Variants in PHF3 observed in about 807,000 individuals in gnomAD.
The protein encoded by PHF3 is PHD finger protein 3.
In PHF3, 41 loss-of-function variants were observed where a neutral mutation model predicts 178.4. That is an observed-to-expected ratio of 0.23 (90% CI 0.18 to 0.30). The LOEUF (loss-of-function observed/expected upper bound fraction) is 0.30. Ranked by LOEUF, PHF3 falls within the 10% of genes least tolerant of loss-of-function variation. The probability of loss-of-function intolerance (pLI) is 1.00; values close to 1 mark genes in which losing one functional copy is unlikely to be tolerated. For synonymous variants in PHF3, 842 were observed against 800.5 expected (o/e 1.05, Z -0.88); for missense variants, 2,346 against 2,398.1 (o/e 0.98, Z 0.45).
intron 3 of PHF3, 106 bp downstream of exon 3, chr6:63,680,267 A>T (rs1766373971): frequency 1.9e-6 from 2 of 1,036,976 alleles, no homozygotes; most frequent in Non-Finnish European, 2.7e-6. Flanking sequence ...TGTTTTGCTA[A>T]TCCATTCGTT....
chr6:63,694,034 G>T (rs1484071659), intron 5 of PHF3, among the ~76,000 whole-genome samples: 1 of 152,158 alleles, frequency 6.6e-6, no homozygotes, highest in Non-Finnish European at 1.5e-5. Flanking sequence ...CTGAGTATAT[G>T]TCTGACTATA....
chr6:63,638,410 A>G (rs1157223407), intron 1 of PHF3, among the ~76,000 whole-genome samples: 42 of 152,130 alleles, frequency 2.8e-4, no homozygotes, highest in Non-Finnish European at 4.4e-5. Context: ...CTTCCTTAAC[A>G]TGGTGGGATG....
intron 9 of PHF3, 190 bp from the exon 10 acceptor site, chr6:63,702,318 C>G: frequency 3.0e-6 from 1 of 332,820 alleles, no homozygotes. Flanking sequence ...ATTCTTATAA[C>G]CGCAGTACTT....
chr6:63,673,992 T>C (rs1465519712), intron 2 of PHF3, among the ~76,000 whole-genome samples: 3 of 152,180 alleles, frequency 2.0e-5, no homozygotes, highest in Admixed American at 6.5e-5. Flanking sequence ...CTGCCATTCC[T>C]GGGCAGCCGA....
rs1765160281 is a variant in PHF3, at chr6:63,654,750, G to A, written c.244+7955G>A. On this transcript the variant is annotated intron_variant, in intron 2 of 15. Transcript: ENST00000262043. ...GGCAGAGTTTAAGTGGCTAAAAGGG[G>A]GAACTTGTGGTTCTCCAAAATGGAA... 3.3e-5 allele frequency among the ~76,000 whole-genome samples: 5 copies of A among 152,226 alleles called. No individual in the cohort carries two copies. The South Asian group carries it at 8.3e-4, about 25-fold the overall frequency.
Position 63,684,329 on chromosome 6 carries a change from A to T in PHF3, c.607A>T (p.Asn203Tyr). Reference protein sequence around the residue: ...YHKENRRCSRNSGQIEVVPEV... With the variant: ...YHKENRRCSRYSGQIEVVPEV... ...TAAGGAGAATAGAAGGTGCAGCCGA[A>T]ATAGCGGACAAATTGAAGTGGTACC... The change falls in exon 4 of 16, where the codon AAT (asparagine) becomes TAT (tyrosine). Residue 203 changes from asparagine to tyrosine, a missense_variant. Physicochemically the swap from Asn to Tyr is moderately radical, Grantham distance 143. Transcript: ENST00000262043. The T allele has an allele frequency of 6.2e-7, 1 of 1,614,030 alleles. No individual in the cohort carries two copies. The highest frequency in any genetic ancestry group is 1.1e-5 in the South Asian group (1 of 91,084).
chr6:63,702,776 G>C, intron 10 of PHF3, 137 bp downstream of exon 10: 2 of 827,366 alleles, frequency 2.4e-6, no homozygotes, highest in Non-Finnish European at 3.7e-6. Flanking sequence ...TATTGGTTTA[G>C]TGGTTTTTTG....
chr6:63,662,937 G>T (rs575597872), intron 2 of PHF3, among the ~76,000 whole-genome samples: 6 of 152,322 alleles, frequency 3.9e-5, no homozygotes, highest in African/African-American at 1.4e-4. Context: ...GACAACTCCA[G>T]TTGGTACCAA....
Position 63,715,749 on chromosome 6 carries a change from C to T in PHF3, c.*2041C>T, listed in dbSNP as rs1265124460. ...TCTTGTAACCGCTGATTGACTGAAA[C>T]ATTTTATGGAGAATAGGGAAGGTAT... On this transcript the variant is annotated 3_prime_UTR_variant, in exon 16 of 16. Coordinates refer to ENST00000262043, the MANE Select transcript of PHF3 (RefSeq NM_001370348.2). 6.6e-6 allele frequency among the ~76,000 whole-genome samples: 1 copy of T among 151,996 alleles called. No homozygotes were observed. The highest frequency in any genetic ancestry group is 1.5e-5 in the Non-Finnish European group (1 of 67,994).
Position 63,685,753 on chromosome 6 carries a change from C to A in PHF3, c.2031C>A (p.Ser677Arg). 6.2e-7 allele frequency: 1 copy of A among 1,614,084 alleles called. No individual in the cohort carries two copies. The highest frequency in any genetic ancestry group is 8.5e-7 in the Non-Finnish European group (1 of 1,180,014). The part of the protein sequence containing the change: ...EKNLQPRQRR[S>R]SKSFSLDEPP... ...ACCTACAACCCCGCCAAAGAAGAAG[C>A]AGCAAAAGTTTTTCTTTAGATGAGC... The change falls in exon 4 of 16, where the codon AGC becomes AGA. Residue 677 changes from serine (S) to arginine (R), a missense_variant. Ser to Arg is a moderately radical substitution (Grantham distance 110, BLOSUM62 -1). Around this residue, in one of 8 missense-constraint regions of PHF3, gnomAD observed 843 missense variants for 795.2 expected, o/e 1.06. Transcript: ENST00000262043.
chr6:63,691,845 T>C lies in PHF3; in HGVS notation c.2298T>C (p.Cys766=), dbSNP rs541164304. 9 of 1,613,696 alleles carry C rather than the reference T, an allele frequency of 5.6e-6. No homozygotes were observed. In the African/African-American group the frequency reaches 8.0e-5, roughly 14 times the overall value. The change falls in exon 5 of 16, where the codon TGT becomes TGC. Residue 766 remains cysteine (C), a synonymous_variant. Coordinates refer to ENST00000262043, the MANE Select transcript of PHF3 (RefSeq NM_001370348.2). ...GCGAGGAAGACAAAGAATATGTCTG[T>C]GTAAAATGTTGTGCTGAAGAAGACA... ...QMGEEDKEYV[C]VKCCAEEDKK...
Position 63,698,430 on chromosome 6 carries a change from G to A in PHF3, c.2826-19G>A. The A allele has an allele frequency of 6.3e-7, 1 of 1,585,718 alleles. No homozygotes were observed. The highest frequency in any genetic ancestry group is 8.6e-7 in the Non-Finnish European group (1 of 1,166,176). ...TGCTTTATACATTTGAAAAATAATTGAATTGTTCTAATTTTAAGACTTACA... is the reference window on the plus strand; with the variant it reads ...TGCTTTATACATTTGAAAAATAATTAAATTGTTCTAATTTTAAGACTTACA... On this transcript the variant is annotated intron_variant, in intron 7 of 15. Coordinates refer to ENST00000262043, the MANE Select transcript of PHF3 (RefSeq NM_001370348.2).
Position 63,706,649 on chromosome 6 carries a change from A to C in PHF3, c.3564-80A>C. On this transcript the variant is annotated intron_variant, in intron 12 of 15. Coordinates refer to ENST00000262043, the MANE Select transcript of PHF3 (RefSeq NM_001370348.2). ...ATATTTTGGCCTTCTTCACATGCTA[A>C]AATACGAGTAACTGATGACTAGGTA... 2.2e-6 allele frequency: 3 copies of C among 1,392,064 alleles called. No homozygotes were observed. The South Asian group carries it at 4.1e-5, about 19-fold the overall frequency. The allele number at this position is 1,392,064 out of a possible 1,614,324, so 86.2% of individuals were successfully genotyped here. A position where few individuals can be genotyped will look rare whatever the true frequency, so the allele number is the denominator to read the frequency against.
In PHF3 at chr6:63,646,806, C is replaced by CTTTT. The variant is rs11285703; in HGVS notation, c.244+30_244+33dup. ...TGCCTTGTTCAACAGGTAATTCTTA[C>CTTTT]TTTTTTTTTTTTTTTTTTTTTTAGT... On this transcript the variant is annotated intron_variant, in intron 2 of 15. Coordinates refer to ENST00000262043, the MANE Select transcript of PHF3 (RefSeq NM_001370348.2). 68 of 1,013,320 alleles carry CTTTT rather than the reference C, an allele frequency of 6.7e-5. No individual in the cohort carries two copies. The highest frequency in any genetic ancestry group is 3.9e-4 in the Middle Eastern group (1 of 2,562). The allele number at this position is 1,013,320 out of a possible 1,614,324, so 62.8% of individuals were successfully genotyped here.
chr6:63,647,490 C>T (rs1361360744), intron 2 of PHF3, among the ~76,000 whole-genome samples: 1 of 151,896 alleles, frequency 6.6e-6, no homozygotes, highest in Non-Finnish European at 1.5e-5. Context: ...TTTTATGTTG[C>T]TTATGTGCTG....
intron 1 of PHF3, among the ~76,000 whole-genome samples, chr6:63,645,920 T>C (rs1034691931): frequency 2.6e-5 from 4 of 152,214 alleles, no homozygotes; most frequent in African/African-American, 9.6e-5. Flanking sequence ...TGTGTGTGTG[T>C]GTAGTCTTTT....
intron 1 of PHF3, among the ~76,000 whole-genome samples, chr6:63,640,757 GATA>G (rs1764537805): frequency 6.6e-6 from 1 of 151,994 alleles, no homozygotes; most frequent in African/African-American, 2.4e-5. Flanking sequence ...ATATAATCAG[GATA>G]ATAATATAAG....
At chr6:63,711,500 T>C in intron 15 of PHF3, 86 bp from the exon 16 acceptor site, 1 of 1,366,478 alleles carries the variant, frequency 7.3e-7, no homozygotes, top group Non-Finnish European at 1.0e-6. Context: ...CCATTTAATA[T>C]CCTGTAATAA....
intron 2 of PHF3, among the ~76,000 whole-genome samples, chr6:63,668,165 A>T (rs1303710523): frequency 6.6e-6 from 1 of 152,214 alleles, no homozygotes; most frequent in African/African-American, 2.4e-5. Context: ...GGTAAGGGAA[A>T]GTTTTGTTTC....
Sources: allele counts gnomAD v4.1 joint callset (sites outside exome capture counted in the v4.1 genomes callset), GRCh38; gene constraint gnomAD v4.1.1; regional missense constraint gnomAD v4.1.1; transcripts MANE v1.5; gene names NCBI Gene and HGNC (gene_info 2026-07-23, HGNC 2026-07-21).